RTN1: variants seen among roughly 807,000 people sequenced by gnomAD.
RTN1 encodes reticulon 1, also known as reticulon-1.
A neutral mutation model predicts 65.5 loss-of-function variants in RTN1; 25 were observed. The ratio of observed to expected loss-of-function variants is 0.38; its 90% CI spans 0.28 to 0.53. The LOEUF is 0.53. Among genes scored for constraint, RTN1 ranks in the 20% least tolerant of loss-of-function variants. The pLI is 0.79. For missense variants in RTN1, 983 were observed against 1,025.4 expected, an observed-to-expected ratio of 0.96 and a Z score of 0.57; for synonymous variants, 471 against 447.6, an observed-to-expected ratio of 1.05 and a Z score of -0.66.
intron 1 of RTN1, among the ~76,000 whole-genome samples, chr14:59,769,925 G>T (rs2139559476): frequency 6.6e-6 from 1 of 152,240 alleles, no homozygotes; most frequent in East Asian, 1.9e-4. Context: ...TGGATAGAAT[G>T]GCAAAAGGAG....
chr14:59,603,012 A>C, intron 8 of RTN1, 53 bp downstream of exon 8: 1 of 1,467,592 alleles, frequency 6.8e-7, no homozygotes, highest in Admixed American at 1.7e-5. Flanking sequence ...TAATCCACTC[A>C]AATGCTGATG....
chr14:59,611,536 C>T (rs1247244993), intron 3 of RTN1, among the ~76,000 whole-genome samples: 1 of 152,038 alleles, frequency 6.6e-6, no homozygotes, highest in African/African-American at 2.4e-5. Context: ...CTTTCTTCTC[C>T]TGACTGGTAA....
At chr14:59,600,429 T>C (rs1881543832) in intron 8 of RTN1, among the ~76,000 whole-genome samples, 1 of 152,212 alleles carries the variant, frequency 6.6e-6, no homozygotes, top group Non-Finnish European at 1.5e-5. Flanking sequence ...ATAACATTTA[T>C]GATGAGCTCA....
intron 1 of RTN1, among the ~76,000 whole-genome samples, chr14:59,820,608 A>C (rs1468769074): frequency 6.6e-6 from 1 of 152,092 alleles, no homozygotes; most frequent in Non-Finnish European, 1.5e-5. Flanking sequence ...GTGCAGTTTC[A>C]GTCTTCTGCA....
intron 1 of RTN1, among the ~76,000 whole-genome samples, chr14:59,772,200 T>C (rs1366169589): frequency 6.6e-6 from 1 of 152,238 alleles, no homozygotes; most frequent in African/African-American, 2.4e-5. Context: ...TTATATAATG[T>C]AATTGGCTTT....
chr14:59,647,448 A>G (rs1045350598), intron 3 of RTN1, among the ~76,000 whole-genome samples: 1 of 152,226 alleles, frequency 6.6e-6, no homozygotes, highest in African/African-American at 2.4e-5. Flanking sequence ...GACCAAATGG[A>G]TCTGATAGAT....
intron 3 of RTN1, among the ~76,000 whole-genome samples, chr14:59,611,687 T>C (rs1297262684): frequency 6.6e-6 from 1 of 152,166 alleles, no homozygotes; most frequent in Admixed American, 6.5e-5. Flanking sequence ...TTCTAACTAG[T>C]ATGAAGAGTC....
At chr14:59,866,921 G>A (rs1465453220) in intron 1 of RTN1, among the ~76,000 whole-genome samples, 2 of 152,144 alleles carry the variant, frequency 1.3e-5, no homozygotes, top group African/African-American at 4.8e-5. Context: ...ATCACATTTA[G>A]CATTTGAAAA....
intron 3 of RTN1, among the ~76,000 whole-genome samples, chr14:59,705,674 C>A (rs139253928): frequency 6.6e-6 from 1 of 152,204 alleles, no homozygotes; most frequent in Non-Finnish European, 1.5e-5. Flanking sequence ...AACATCTCAA[C>A]ATCAATCATT....
At chr14:59,745,066 A>C (rs1352829082) in intron 2 of RTN1, among the ~76,000 whole-genome samples, 2 of 152,154 alleles carry the variant, frequency 1.3e-5, no homozygotes, top group African/African-American at 4.8e-5. Context: ...ATGGATTATC[A>C]TGGAAATGTG....
intron 3 of RTN1, among the ~76,000 whole-genome samples, chr14:59,654,722 GAAA>G (rs1883088709): frequency 6.6e-6 from 1 of 151,758 alleles, no homozygotes; most frequent in Non-Finnish European, 1.5e-5. Context: ...TCTCAATGCA[GAAA>G]AAAAATTGAG....
At chr14:59,749,202 A>ATATATC (rs1885311776) in intron 1 of RTN1, among the ~76,000 whole-genome samples, 1 of 81,836 alleles carries the variant, frequency 1.2e-5, no homozygotes, top group African/African-American at 8.8e-5. Context: ...ATATATCTAT[A>ATATATC]TATATATCTA....
intron 1 of RTN1, among the ~76,000 whole-genome samples, chr14:59,785,120 G>T (rs1409750390): frequency 6.6e-6 from 1 of 152,106 alleles, no homozygotes; most frequent in African/African-American, 2.4e-5. Flanking sequence ...ATGGAGAGAG[G>T]TCTCTGTCTT....
chr14:59,865,559 C>T lies in RTN1; in HGVS notation c.241+4831G>A, dbSNP rs537500671. Among the ~76,000 whole-genome samples, 8 of 152,292 alleles carry T rather than the reference C, an allele frequency of 5.3e-5. No individual in the cohort carries two copies. In the South Asian group the frequency reaches 1.4e-3, roughly 28 times the overall value. On this transcript the variant is annotated intron_variant, in intron 1 of 8. Coordinates refer to ENST00000267484, the MANE Select transcript of RTN1 (RefSeq NM_021136.3). ...GCCCTTCCCTCCCTTTTCTCATACC[C>T]TATCACTACAGCATCTTCCACAAAC...
At chr14:59,819,164 C>CA (rs1886876229) in intron 1 of RTN1, among the ~76,000 whole-genome samples, 1 of 152,060 alleles carries the variant, frequency 6.6e-6, no homozygotes, top group Admixed American at 6.5e-5. Flanking sequence ...CAGACCTTCA[C>CA]AGTGTGTGTT....
chr14:59,618,749 T>C (rs771190984), intron 3 of RTN1, among the ~76,000 whole-genome samples: 9 of 152,268 alleles, frequency 5.9e-5, no homozygotes, highest in Non-Finnish European at 1.3e-4. Flanking sequence ...CCAAAAGTTA[T>C]GTAAAATTAG....
chr14:59,821,377 A>G (rs1886941318), intron 1 of RTN1, among the ~76,000 whole-genome samples: 1 of 152,154 alleles, frequency 6.6e-6, no homozygotes, highest in Non-Finnish European at 1.5e-5. Flanking sequence ...GTATCCTGAA[A>G]CTTTACTAAA....
At chr14:59,758,942 T>C (rs1885694378) in intron 1 of RTN1, among the ~76,000 whole-genome samples, 1 of 152,194 alleles carries the variant, frequency 6.6e-6, no homozygotes. Context: ...CTTAGTAACC[T>C]AGTGTGCCCC....
chr14:59,703,459 T>C (rs1247720662), intron 3 of RTN1, among the ~76,000 whole-genome samples: 1 of 152,204 alleles, frequency 6.6e-6, no homozygotes, highest in East Asian at 1.9e-4. Context: ...TTGACATGGC[T>C]GCCGTCCTTC....
Sources: gnomAD v4.1 joint callset for allele counts (sites outside exome capture counted in the v4.1 genomes callset) on GRCh38, gnomAD v4.1.1 for gene constraint, MANE v1.5 for transcripts, NCBI Gene and HGNC (gene_info 2026-07-23, HGNC 2026-07-21) for gene names.